Variants in NUP107 observed in about 807,000 individuals in gnomAD.
The protein encoded by NUP107 is nucleoporin 107.
NUP107 carries 101 observed loss-of-function variants against 141.0 expected under a neutral mutation model. The observed-to-expected ratio is 0.72, with a 90% CI of 0.61 to 0.84. The LOEUF is 0.84. Among genes scored for constraint, NUP107 ranks in the 40% least tolerant of loss-of-function variants. The probability of loss-of-function intolerance (pLI) is 0.00; values close to 1 mark genes in which losing one functional copy is unlikely to be tolerated. For missense variants in NUP107, 941 were observed against 1,102.7 expected, an observed-to-expected ratio of 0.85 and a Z score of 2.08; for synonymous variants, 319 against 363.9, an observed-to-expected ratio of 0.88 and a Z score of 1.41.
chr12:68,734,677 T>C, intron 24 of NUP107, 31 bp from the exon 25 acceptor site: 1 of 1,472,878 alleles, frequency 6.8e-7, no homozygotes, highest in Non-Finnish European at 9.1e-7. Flanking sequence ...TTTGTTATTT[T>C]ATATTTTGGT....
At chr12:68,732,972 C>A (rs1238984560) in intron 23 of NUP107, among the ~76,000 whole-genome samples, 1 of 152,174 alleles carries the variant, frequency 6.6e-6, no homozygotes, top group Non-Finnish European at 1.5e-5. Context: ...CGTGAACCAC[C>A]ACACCCAGAT....
intron 23 of NUP107, 23 bp from the exon 24 acceptor site, chr12:68,733,429 A>G (rs373931057): frequency 1.3e-6 from 2 of 1,599,138 alleles, no homozygotes; most frequent in East Asian, 2.2e-5. Context: ...TAGGCATTCA[A>G]AATTGTGTAT....
At chr12:68,701,549 G>T (rs1287540201) in intron 7 of NUP107, among the ~76,000 whole-genome samples, 1 of 151,960 alleles carries the variant, frequency 6.6e-6, no homozygotes, top group Admixed American at 6.6e-5. Flanking sequence ...AGGCGTGGTG[G>T]TGGGCACCTA....
chr12:68,710,268 A>G (rs1876786655), intron 10 of NUP107, among the ~76,000 whole-genome samples, 175 bp downstream of exon 10: 1 of 152,226 alleles, frequency 6.6e-6, no homozygotes, highest in South Asian at 2.1e-4. Flanking sequence ...TAATTGTTTA[A>G]GAGAGTTAGA....
chr12:68,721,639 G>C (rs776647205), intron 15 of NUP107, among the ~76,000 whole-genome samples: 1 of 152,154 alleles, frequency 6.6e-6, no homozygotes, highest in South Asian at 2.1e-4. Context: ...GTTGTTAACA[G>C]TATGAAAAAA....
intron 8 of NUP107, among the ~76,000 whole-genome samples, chr12:68,703,066 G>A (rs779953432): frequency 2.0e-5 from 3 of 151,916 alleles, no homozygotes; most frequent in African/African-American, 4.8e-5. Flanking sequence ...AGCTGGTCTC[G>A]AACTTCTGAC....
Position 68,692,089 on chromosome 12 carries a change from G to A in NUP107, c.425G>A (p.Arg142His), listed in dbSNP as rs780164202. 2.1e-5 allele frequency: 33 copies of A among 1,599,710 alleles called. 1 individual carries two copies. Among genetic ancestry groups the A allele is most frequent in the African/African-American group, 1.1e-4 (8 of 74,026 alleles). Residue 142 changes from arginine to histidine, a missense_variant, in exon 5 of 28, where the codon CGT (arginine) becomes CAT (histidine). Physicochemically the swap from Arg to His is conservative, Grantham distance 29. Transcript: ENST00000229179. ...EDVTISAVML[R>H]EDDPGEAASM... ...GTAACTATCAGTGCTGTTATGTTAC[G>A]TGAGGATGATCCTGGAGAAGCTGGT...
chr12:68,726,959 T>C (rs1334883914), intron 19 of NUP107, among the ~76,000 whole-genome samples: 1 of 152,254 alleles, frequency 6.6e-6, no homozygotes, highest in African/African-American at 2.4e-5. Flanking sequence ...TGTTGCTTTT[T>C]TTCTAAAAAA....
intron 8 of NUP107, among the ~76,000 whole-genome samples, chr12:68,708,768 G>A (rs563242556): frequency 3.2e-4 from 48 of 152,092 alleles, no homozygotes; most frequent in Non-Finnish European, 3.2e-4. Flanking sequence ...ACAGGCTTGC[G>A]TCACCACGCC....
intron 27 of NUP107, 110 bp downstream of exon 27, chr12:68,742,090 AAAGT>A (rs1164462820): frequency 1.1e-5 from 10 of 915,294 alleles, no homozygotes; most frequent in Middle Eastern, 4.6e-4. Flanking sequence ...GGATTTTCTT[AAAGT>A]AATAGTCCAG....
At chr12:68,689,891 T>A (rs1875696871) in intron 3 of NUP107, 3 of 308,582 alleles carry the variant, frequency 9.7e-6, no homozygotes. Context: ...ACAATAAGTA[T>A]GTAAATAGGC....
At chr12:68,701,984 AT>A (rs1876352038) in intron 7 of NUP107, among the ~76,000 whole-genome samples, 1 of 151,356 alleles carries the variant, frequency 6.6e-6, no homozygotes, top group South Asian at 2.1e-4. Flanking sequence ...TAATTTTTGT[AT>A]TTTTATTTTA....
At chr12:68,697,796 G>A (rs745913904) in intron 6 of NUP107, among the ~76,000 whole-genome samples, 5 of 151,996 alleles carry the variant, frequency 3.3e-5, no homozygotes, top group East Asian at 1.9e-4. Flanking sequence ...TTGGGAGGCC[G>A]AGGTGGGTGG....
At chr12:68,737,346 CCTGAGGT>C (rs1278829657) in intron 26 of NUP107, among the ~76,000 whole-genome samples, 1 of 151,938 alleles carries the variant, frequency 6.6e-6, no homozygotes, top group Non-Finnish European at 1.5e-5. Flanking sequence ...GGGTGGATCA[CCTGAGGT>C]CAGGAGCTTG....
At chr12:68,725,837 G>GTTTTTT (rs373666468) in intron 18 of NUP107, 41 bp downstream of exon 18, 93 of 621,494 alleles carry the variant, frequency 1.5e-4, no homozygotes, top group South Asian at 2.8e-4. Context: ...TTTTGTGTGT[G>GTTTTTT]TTTTTTTTTT....
intron 10 of NUP107, among the ~76,000 whole-genome samples, chr12:68,713,481 C>T (rs1010285584): frequency 2.6e-5 from 4 of 151,612 alleles, no homozygotes; most frequent in African/African-American, 9.7e-5. Context: ...GAAAGATAAT[C>T]CTAGTAAAAA....
intron 8 of NUP107, chr12:68,705,977 A>C: frequency 1.1e-6 from 1 of 898,490 alleles, no homozygotes; most frequent in Admixed American, 1.7e-5. Flanking sequence ...CTGCAGCAGC[A>C]GAACAAGATG....
chr12:68,731,748 C>G (rs531987648), intron 22 of NUP107, 29 bp downstream of exon 22: 1 of 1,143,046 alleles, frequency 8.7e-7, no homozygotes, highest in South Asian at 1.4e-5. Flanking sequence ...GCAGAGGTTT[C>G]TATAACTTCT....
rs1875815300 is a variant in NUP107, at chr12:68,691,992, TG to T, written c.331del (p.Ala111GlnfsTer20). 2 of 1,602,610 alleles carry T rather than the reference TG, an allele frequency of 1.2e-6. No homozygotes were observed. Among genetic ancestry groups the T allele is most frequent in the Non-Finnish European group, 1.7e-6 (2 of 1,177,124 alleles). On this transcript the variant is annotated frameshift_variant, in exon 5 of 28. Coordinates refer to ENST00000229179, the MANE Select transcript of NUP107 (RefSeq NM_020401.4). LOFTEE classifies it high-confidence loss of function. ...GGTTACTAATCTGGATGACAGTAAC[TG>T]GGCAGCTGCATTTTCATCACAGCGT... is the stretch of plus-strand genomic sequence containing the variant. ...SMVTNLDDSN[W>X]AAAFSSQRSG...
Sources: allele counts gnomAD v4.1 joint callset (sites outside exome capture counted in the v4.1 genomes callset), GRCh38; gene constraint gnomAD v4.1.1; transcripts MANE v1.5; gene names NCBI Gene and HGNC (gene_info 2026-07-23, HGNC 2026-07-21).